PCDH11X: variants seen among roughly 807,000 people sequenced by gnomAD.
PCDH11X encodes the protein protocadherin-11 X-linked.
PCDH11X carries 18 observed loss-of-function variants against 53.3 expected under a neutral mutation model. The ratio of observed to expected loss-of-function variants is 0.34; its 90% CI spans 0.23 to 0.50. PCDH11X has a LOEUF of 0.50. Among genes scored for constraint, PCDH11X ranks in the 20% least tolerant of loss-of-function variants. The pLI, the probability that PCDH11X is intolerant of heterozygous loss-of-function variation, is 0.98. For synonymous variants in PCDH11X, 279 were observed against 393.3 expected (o/e 0.71, Z 3.44); for missense variants, 570 against 1,032.4 (o/e 0.55, Z 6.14).
intron 6 of PCDH11X, among the ~76,000 whole-genome samples, chrX:92,139,401 A>G (rs1444904257): frequency 9.5e-6 from 1 of 105,235 alleles, no homozygotes; most frequent in African/African-American, 3.5e-5. Context: ...TCAGCCTCCC[A>G]AGTAGCTGGG....
chrX:91,920,788 G>A (rs897827269), intron 6 of PCDH11X, among the ~76,000 whole-genome samples: 1 of 110,065 alleles, frequency 9.1e-6, no homozygotes, highest in African/African-American at 3.3e-5. Context: ...TGTTATGTTA[G>A]TATGTTCATA....
chrX:92,278,805 AG>A (rs1248997515), intron 8 of PCDH11X, among the ~76,000 whole-genome samples: 3 of 57,808 alleles, frequency 5.2e-5, no homozygotes, highest in African/African-American at 2.3e-4. Flanking sequence ...GTCTCTTTTC[AG>A]TTTTTTTTTT....
Position 91,878,170 on chromosome X carries a change from A to G in PCDH11X, c.1930A>G (p.Lys644Glu). 8.3e-7 allele frequency: 1 copy of G among 1,206,784 alleles called. No individual in the cohort carries two copies. Among genetic ancestry groups the G allele is most frequent in the Non-Finnish European group, 1.1e-6 (1 of 892,631 alleles). ...EKQESYTFYV[K>E]AEDGGRVSRS... ...ACAAGAATCTTACACTTTCTATGTA[A>G]AGGCTGAGGATGGTGGTAGAGTATC... The change falls in exon 6 of 11, where the codon AAG (lysine) becomes GAG (glutamate). Residue 644 changes from lysine to glutamate, a missense_variant. Lys to Glu is a moderately conservative substitution (Grantham distance 56). This residue lies in a region of PCDH11X where 226 missense variants were observed against 457.5 expected (regional missense o/e 0.49). Coordinates refer to ENST00000682573, the MANE Select transcript of PCDH11X (RefSeq NM_032968.5).
At chrX:92,080,359 C>T (rs752460869) in intron 6 of PCDH11X, among the ~76,000 whole-genome samples, 3 of 111,004 alleles carry the variant, frequency 2.7e-5, no homozygotes, top group African/African-American at 9.9e-5. Flanking sequence ...ATACAGATGT[C>T]TCCAAATCAT....
chrX:92,261,735 G>A (rs1180241361), intron 7 of PCDH11X, among the ~76,000 whole-genome samples: 1 of 111,831 alleles, frequency 8.9e-6, no homozygotes, highest in Non-Finnish European at 1.9e-5. Flanking sequence ...TAGTCCTTGA[G>A]ATTATTTCTT....
intron 8 of PCDH11X, among the ~76,000 whole-genome samples, chrX:92,271,535 A>T (rs775953967): frequency 2.4e-4 from 27 of 112,205 alleles, no homozygotes; most frequent in African/African-American, 8.1e-4. Context: ...GAACCTCATT[A>T]GTTACTTGGG....
At chrX:91,786,791 G>C (rs1373241947) in intron 1 of PCDH11X, among the ~76,000 whole-genome samples, 1 of 106,442 alleles carries the variant, frequency 9.4e-6, no homozygotes, top group Non-Finnish European at 1.9e-5. Context: ...AGGATTGATG[G>C]TCTTTAGTCT....
At position 92,281,494 on chromosome X, in the gene PCDH11X, A is replaced by G. The variant is rs762862644; in HGVS notation, c.3144+18351A>G. On this transcript the variant is annotated intron_variant, in intron 8 of 10. Transcript: ENST00000682573. ...ATGTGGATTATCTTTACTAAGTTGG[A>G]TCTGGAAATATGATTAATATAAACT... Among the ~76,000 whole-genome samples the G allele has an allele frequency of 3.6e-5, 4 of 112,386 alleles. No homozygotes were observed. The South Asian group carries it at 1.5e-3, about 41-fold the overall frequency.
intron 7 of PCDH11X, among the ~76,000 whole-genome samples, chrX:92,230,452 A>ATTT (rs1399926692): frequency 2.6e-4 from 3 of 11,532 alleles, no homozygotes; most frequent in Admixed American, 4.8e-3. Flanking sequence ...ATTTATATAT[A>ATTT]ATTTATAAAA....
intron 8 of PCDH11X, among the ~76,000 whole-genome samples, chrX:92,335,820 A>G (rs1177573126): frequency 9.0e-6 from 1 of 110,832 alleles, no homozygotes; most frequent in Non-Finnish European, 1.9e-5. Flanking sequence ...ACGTGTGTAG[A>G]TAGATAGATA....
chrX:91,858,020 CT>C (rs896975195), intron 5 of PCDH11X, among the ~76,000 whole-genome samples: 3 of 111,214 alleles, frequency 2.7e-5, no homozygotes, highest in Non-Finnish European at 5.7e-5. Context: ...TGCTCTGCCC[CT>C]GTAGCACACT....
intron 6 of PCDH11X, among the ~76,000 whole-genome samples, chrX:91,921,590 G>A (rs1941739818): frequency 9.4e-6 from 1 of 106,249 alleles, no homozygotes. Flanking sequence ...TTAACTTATT[G>A]TACTTAGTAA....
At chrX:92,375,168 T>TATATATATATATATATATATA (rs2070720461) in intron 8 of PCDH11X, among the ~76,000 whole-genome samples, 1 of 6,604 alleles carries the variant, frequency 1.5e-4, no homozygotes, top group African/African-American at 1.0e-3. Flanking sequence ...ATATATATAT[T>TATATATATATATATATATATA]TTTTTTTTTT....
At chrX:91,806,821 T>C (rs1233523532) in intron 1 of PCDH11X, among the ~76,000 whole-genome samples, 3 of 111,856 alleles carry the variant, frequency 2.7e-5, no homozygotes, top group African/African-American at 9.7e-5. Flanking sequence ...CGCCATCACA[T>C]AGCAAAATGT....
intron 9 of PCDH11X, among the ~76,000 whole-genome samples, chrX:92,407,908 C>T (rs777428373): frequency 9.6e-4 from 105 of 109,136 alleles, no homozygotes; most frequent in Admixed American, 1.6e-3. Flanking sequence ...TTTTTTGAGA[C>T]GGAGTCTTGT....
intron 9 of PCDH11X, among the ~76,000 whole-genome samples, chrX:92,403,865 T>C (rs1166062338): frequency 9.0e-6 from 1 of 111,122 alleles, no homozygotes; most frequent in East Asian, 2.9e-4. Flanking sequence ...ATTTTCCTAG[T>C]TTGGATCATC....
At chrX:91,885,236 A>C (rs2147750659) in intron 6 of PCDH11X, among the ~76,000 whole-genome samples, 1 of 110,490 alleles carries the variant, frequency 9.1e-6, no homozygotes, top group South Asian at 3.8e-4. Flanking sequence ...GCTTGAAATT[A>C]AAATACACAC....
chrX:91,864,079 A>G (rs1479349852), intron 5 of PCDH11X, among the ~76,000 whole-genome samples: 66 of 111,420 alleles, frequency 5.9e-4, no homozygotes, highest in Admixed American at 2.1e-3. Context: ...ACTTGCTGTT[A>G]CCAGTGACTT....
chrX:92,104,341 A>G (rs1182737616), intron 6 of PCDH11X, among the ~76,000 whole-genome samples: 2 of 110,449 alleles, frequency 1.8e-5, no homozygotes, highest in African/African-American at 3.3e-5. Context: ...ACTCAGCGAC[A>G]CTTGGGGTTG....
Sources: allele counts gnomAD v4.1 joint callset (sites outside exome capture counted in the v4.1 genomes callset), GRCh38; gene constraint gnomAD v4.1.1; regional missense constraint gnomAD v4.1.1; transcripts MANE v1.5; gene names NCBI Gene and HGNC (gene_info 2026-07-23, HGNC 2026-07-21).